Variants in RPN2 observed in about 807,000 individuals in gnomAD.
RPN2 encodes the protein dolichyl-diphosphooligosaccharide--protein glycosyltransferase subunit 2.
RPN2 carries 29 observed loss-of-function variants against 71.4 expected under a neutral mutation model. The ratio of observed to expected loss-of-function variants is 0.41; its 90% confidence interval spans 0.30 to 0.55. The LOEUF (loss-of-function observed/expected upper bound fraction) is 0.55, where lower values mean the gene tolerates loss of function less well. Among genes scored for constraint, RPN2 ranks in the 20% least tolerant of loss-of-function variants. The probability of loss-of-function intolerance (pLI) is 0.35; values close to 1 mark genes in which losing one functional copy is unlikely to be tolerated. For synonymous variants in RPN2, 308 were observed against 305.0 expected, an observed-to-expected ratio of 1.01 and a Z score of -0.10; for missense variants, 726 against 774.1, an observed-to-expected ratio of 0.94 and a Z score of 0.74.
chr20:37,179,932 A>G lies in RPN2; in HGVS notation c.13+563A>G, dbSNP rs147056280. ...TAACCCCTCTACACCTCAGTTTCTC[A>G]TCTGTAAAATAAGTTAGTCAAATTA... On this transcript the variant is annotated intron_variant, in intron 1 of 16. Coordinates refer to ENST00000237530, the MANE Select transcript of RPN2 (RefSeq NM_002951.5). 1.5e-3 allele frequency among the ~76,000 whole-genome samples: 221 copies of G among 152,288 alleles called. 2 individuals carry two copies. Among genetic ancestry groups the G allele is most frequent in the African/African-American group, 5.0e-3 (209 of 41,564 alleles).
At chr20:37,219,708 C>G (rs913080926) in intron 9 of RPN2, among the ~76,000 whole-genome samples, 84 of 152,180 alleles carry the variant, frequency 5.5e-4, no homozygotes, top group African/African-American at 1.9e-3. Context: ...GGCTCCTACC[C>G]TTAGGTTTCT....
chr20:37,207,456 C>T lies in RPN2; in HGVS notation c.867+7C>T, dbSNP rs2067543453. On this transcript the variant is annotated splice_region_variant and intron_variant, in intron 7 of 16. Coordinates refer to ENST00000237530, the MANE Select transcript of RPN2 (RefSeq NM_002951.5). ...TGAACAGGCTATCTTGCGGGTAAGA[C>T]ATCCATGCCCAAAGTGTGCCCCTCT... The T allele has an allele frequency of 6.2e-7, 1 of 1,613,604 alleles. No homozygotes were observed. The highest frequency in any genetic ancestry group is 8.5e-7 in the Non-Finnish European group (1 of 1,179,520).
At chr20:37,183,709 GA>G (rs1315334296) in intron 1 of RPN2, among the ~76,000 whole-genome samples, 1 of 152,224 alleles carries the variant, frequency 6.6e-6, no homozygotes, top group Non-Finnish European at 1.5e-5. Context: ...GCTTAAGGAA[GA>G]GGTGCTTGAG....
At chr20:37,193,550 A>G (rs2067192160) in intron 2 of RPN2, among the ~76,000 whole-genome samples, 1 of 152,186 alleles carries the variant, frequency 6.6e-6, no homozygotes, top group African/African-American at 2.4e-5. Flanking sequence ...AATAGCTAGT[A>G]TCGTGATTCA....
chr20:37,200,346 C>T (rs1055261180), intron 4 of RPN2: 4 of 358,812 alleles, frequency 1.1e-5, no homozygotes, highest in African/African-American at 3.4e-5. Context: ...TTGTCCAGGC[C>T]GGTTGTAATT....
At chr20:37,190,950 G>A (rs902563162) in intron 2 of RPN2, among the ~76,000 whole-genome samples, 2 of 152,166 alleles carry the variant, frequency 1.3e-5, no homozygotes, top group South Asian at 2.1e-4. Flanking sequence ...TGTCACTTCC[G>A]TGTAGCGGTG....
intron 12 of RPN2, among the ~76,000 whole-genome samples, chr20:37,229,352 G>A (rs151063800): frequency 7.2e-4 from 110 of 152,282 alleles, no homozygotes; most frequent in African/African-American, 2.5e-3. Flanking sequence ...GGGCTGTGGG[G>A]TGATCATTGG....
chr20:37,234,144 C>G, intron 15 of RPN2, 49 bp downstream of exon 15: 6 of 1,582,958 alleles, frequency 3.8e-6, no homozygotes, highest in Non-Finnish European at 5.2e-6. Flanking sequence ...TGACATTTAG[C>G]CTGCCCACGC....
Position 37,223,906 on chromosome 20 carries a change from G to T in RPN2, c.1121G>T (p.Gly374Val). The change falls in exon 10 of 17, where the codon GGC (glycine) becomes GTC (valine). Residue 374 changes from glycine to valine, a missense_variant. Coordinates refer to ENST00000237530, the MANE Select transcript of RPN2 (RefSeq NM_002951.5). ...ELRVKISTEV[G>V]ITNVDLSTVD... ...AGAGTCAAGATCTCCACTGAAGTTGGCATCACAAATGTTGATCTTTCCACC... is the reference window on the plus strand; with the variant it reads ...AGAGTCAAGATCTCCACTGAAGTTGTCATCACAAATGTTGATCTTTCCACC... 6.2e-7 allele frequency: 1 copy of T among 1,614,092 alleles called. No individual in the cohort carries two copies. The highest frequency in any genetic ancestry group is 8.5e-7 in the Non-Finnish European group (1 of 1,179,970).
rs374149923 is a variant in RPN2 at position 37,179,803 on chromosome 20, C to T, written c.13+434C>T. On this transcript the variant is annotated intron_variant, in intron 1 of 16. Coordinates refer to ENST00000237530, the MANE Select transcript of RPN2 (RefSeq NM_002951.5). ...ATTCAGTGAAAGGGGCAAAGAAAACCCTCACTTCTCTCTGGGAGCCTGGAG... is the reference window on the plus strand; with the variant it reads ...ATTCAGTGAAAGGGGCAAAGAAAACTCTCACTTCTCTCTGGGAGCCTGGAG... 2.6e-5 allele frequency among the ~76,000 whole-genome samples: 4 copies of T among 152,300 alleles called. No homozygotes were observed. The East Asian group carries it at 5.8e-4, about 22-fold the overall frequency.
intron 9 of RPN2, among the ~76,000 whole-genome samples, chr20:37,217,180 C>A (rs527551192): frequency 6.6e-6 from 1 of 152,068 alleles, no homozygotes; most frequent in South Asian, 2.1e-4. Context: ...GATCTGCCCA[C>A]CTTTGCCTCC....
chr20:37,228,708 A>G lies in RPN2; in HGVS notation c.1458A>G (p.Gly486=). ...CCTACACTCTCTACTTAATCATTGG[A>G]GATGCCACTTTGAAGAACCCAATCC... ...SGTYTLYLII[G]DATLKNPILW... The change falls in exon 12 of 17, where the codon GGA becomes GGG. Residue 486 remains glycine (G), a synonymous_variant. Coordinates refer to ENST00000237530, the MANE Select transcript of RPN2 (RefSeq NM_002951.5). The G allele has an allele frequency of 1.2e-6, 2 of 1,614,236 alleles. No individual in the cohort carries two copies. The highest frequency in any genetic ancestry group is 1.7e-6 in the Non-Finnish European group (2 of 1,180,036).
intron 16 of RPN2, among the ~76,000 whole-genome samples, chr20:37,239,907 G>T (rs77102215): frequency 6.6e-6 from 1 of 152,024 alleles, no homozygotes; most frequent in Non-Finnish European, 1.5e-5. Flanking sequence ...TAAATAAGTC[G>T]ATTTCTTTTC....
intron 15 of RPN2, among the ~76,000 whole-genome samples, chr20:37,235,911 A>G (rs1291164848): frequency 6.6e-6 from 1 of 152,050 alleles, no homozygotes; most frequent in Non-Finnish European, 1.5e-5. Context: ...CGGCCTCCCA[A>G]AGTGCTGGGA....
chr20:37,190,374 A>G (rs1234666948), intron 2 of RPN2, among the ~76,000 whole-genome samples: 1 of 152,342 alleles, frequency 6.6e-6, no homozygotes, highest in African/African-American at 2.4e-5. Flanking sequence ...TATGTTTACA[A>G]TACAGACGCT....
At chr20:37,180,024 G>C (rs2066816514) in intron 1 of RPN2, among the ~76,000 whole-genome samples, 3 of 152,240 alleles carry the variant, frequency 2.0e-5, no homozygotes, top group Admixed American at 6.5e-5. Context: ...GTTTAGAACA[G>C]TGCATGGCCC....
Position 37,215,791 on chromosome 20 carries a change from G to A in RPN2, c.1092+1926G>A, listed in dbSNP as rs1410626507. ...TTAGTAATCTGATGCATATGAAAAGGTATCTTGTTTTAATGTCTTTCCTTG... is the reference window on the plus strand; with the variant it reads ...TTAGTAATCTGATGCATATGAAAAGATATCTTGTTTTAATGTCTTTCCTTG... On this transcript the variant is annotated intron_variant, in intron 9 of 16. Transcript: ENST00000237530. Among the ~76,000 whole-genome samples the A allele has an allele frequency of 3.3e-5, 5 of 152,228 alleles. No homozygotes were observed. In the East Asian group the frequency reaches 5.8e-4, roughly 18 times the overall value.
intron 6 of RPN2, among the ~76,000 whole-genome samples, chr20:37,205,816 G>A (rs1401186132): frequency 3.3e-5 from 5 of 152,088 alleles, no homozygotes; most frequent in African/African-American, 7.2e-5. Context: ...GGGTCTTAGG[G>A]TACAGATTGT....
chr20:37,238,870 C>G (rs1364550946), intron 16 of RPN2: 2 of 519,822 alleles, frequency 3.8e-6, no homozygotes, highest in African/African-American at 3.8e-5. Flanking sequence ...CTAGACTTTT[C>G]TGTAACACCG....
Sources: gnomAD v4.1 joint callset for allele counts (sites outside exome capture counted in the v4.1 genomes callset) on GRCh38, gnomAD v4.1.1 for gene constraint, MANE v1.5 for transcripts, NCBI Gene and HGNC (gene_info 2026-07-23, HGNC 2026-07-21) for gene names.